The following RASD2 variants were observed in gnomAD, a reference collection of about 807,000 sequenced individuals.
RASD2 encodes RASD family member 2.
A neutral mutation model predicts 15.8 loss-of-function variants in RASD2; 7 were observed. The ratio of observed to expected loss-of-function variants is 0.44; its 90% confidence interval spans 0.25 to 0.83. The LOEUF (loss-of-function observed/expected upper bound fraction) is 0.83, where lower values mean the gene tolerates loss of function less well. RASD2 is among the 40% of genes least tolerant of loss of function. RASD2 has a pLI of 0.20. For synonymous variants in RASD2, 155 were observed against 153.6 expected, an observed-to-expected ratio of 1.01 and a Z score of -0.07; for missense variants, 274 against 382.8, an observed-to-expected ratio of 0.72 and a Z score of 2.37.
At chr22:35,543,021 GT>G in intron 1 of RASD2, among the ~76,000 whole-genome samples, 1 of 152,204 alleles carries the variant, frequency 6.6e-6, no homozygotes. Context: ...CTGGGGGTGG[GT>G]TTTCATAGAG....
the RASD2 span, among the ~76,000 whole-genome samples, chr22:35,535,557 G>A: frequency 6.6e-6 from 1 of 152,132 alleles, no homozygotes; most frequent in East Asian, 1.9e-4. Context: ...ATTTCTGTAA[G>A]GCAGCTCCAT....
Position 35,547,624 on chromosome 22 carries a change from G to GT in RASD2, c.271+552dup, listed in dbSNP as rs1303532166. Reference sequence around the variant, plus strand: ...CCCTGTTCTTAGAGCTTGGCATGTAGTTTTTTTTGAAACAGAGTCTCGCTC... The same window carrying GT: ...CCCTGTTCTTAGAGCTTGGCATGTAGTTTTTTTTTGAAACAGAGTCTCGCTC... On this transcript the variant is annotated intron_variant, in intron 2 of 2. Coordinates refer to ENST00000216127, the MANE Select transcript of RASD2 (RefSeq NM_014310.4). Among the ~76,000 whole-genome samples the GT allele has an allele frequency of 3.3e-5, 5 of 152,160 alleles. No individual in the cohort carries two copies. In the East Asian group the frequency reaches 9.7e-4, roughly 29 times the overall value.
upstream of RASD2, among the ~76,000 whole-genome samples, chr22:35,540,680 G>C (rs1334180961): frequency 6.6e-6 from 1 of 152,194 alleles, no homozygotes; most frequent in Non-Finnish European, 1.5e-5. Context: ...GCCTGCGAGA[G>C]GGGGAAGGAG....
intron 1 of RASD2, among the ~76,000 whole-genome samples, chr22:35,545,575 A>T (rs1001816460): frequency 2.6e-5 from 4 of 152,160 alleles, no homozygotes; most frequent in African/African-American, 4.8e-5. Context: ...TTGATATTTC[A>T]GCAGGCCTGT....
At chr22:35,540,444 G>A (rs1008087360), upstream of RASD2, among the ~76,000 whole-genome samples, 1 of 148,914 alleles carries the variant, frequency 6.7e-6, no homozygotes, top group African/African-American at 2.4e-5. Flanking sequence ...CCGGGCGCCG[G>A]GGCGAGGCGG....
chr22:35,538,155 A>C (rs1047982339), upstream of RASD2, among the ~76,000 whole-genome samples: 2 of 151,962 alleles, frequency 1.3e-5, no homozygotes, highest in Non-Finnish European at 2.9e-5. Flanking sequence ...TTATATTTTT[A>C]GTAGTAGGGT....
chr22:35,541,679 A>C (rs1441080215), intron 1 of RASD2, among the ~76,000 whole-genome samples, 179 bp downstream of exon 1: 2 of 152,212 alleles, frequency 1.3e-5, no homozygotes, highest in Admixed American at 1.3e-4. Context: ...AGAGAGAATT[A>C]AATTCGTTGA....
At chr22:35,539,541 T>G (rs1298760052), upstream of RASD2, among the ~76,000 whole-genome samples, 1 of 152,214 alleles carries the variant, frequency 6.6e-6, no homozygotes, top group Non-Finnish European at 1.5e-5. Flanking sequence ...CTCTGTTAGG[T>G]GCTAATGGGT....
At chr22:35,545,169 C>T (rs76297878) in intron 1 of RASD2, among the ~76,000 whole-genome samples, 4,484 of 152,244 alleles carry the variant, frequency 0.029, 228 homozygotes, top group African/African-American at 0.1. Context: ...TTTTGAGAGC[C>T]GGTTTCCTGC....
At chr22:35,542,516 G>C (rs1934377848) in intron 1 of RASD2, among the ~76,000 whole-genome samples, 1 of 152,216 alleles carries the variant, frequency 6.6e-6, no homozygotes, top group Non-Finnish European at 1.5e-5. Flanking sequence ...TGCCAGAAGT[G>C]GATGCCTGCC....
Position 35,551,249 on chromosome 22 carries a change from T to C in RASD2, c.272-254T>C, listed in dbSNP as rs1352021805. Among the ~76,000 whole-genome samples the C allele has an allele frequency of 6.6e-6, 1 of 152,198 alleles. No homozygotes were observed. Among genetic ancestry groups the C allele is most frequent in the Non-Finnish European group, 1.5e-5 (1 of 68,022 alleles). On this transcript the variant is annotated intron_variant, in intron 2 of 2. Coordinates refer to ENST00000216127, the MANE Select transcript of RASD2 (RefSeq NM_014310.4). The surrounding 1 kb of genome is among the most constrained non-coding windows in gnomAD (Gnocchi z 4.9). ...AGTTAACTGTATTTGAACCAAGTGGTCCACGTGTTAGCTATGCGACTGTGA... is the reference window on the plus strand; with the variant it reads ...AGTTAACTGTATTTGAACCAAGTGGCCCACGTGTTAGCTATGCGACTGTGA...
upstream of RASD2, among the ~76,000 whole-genome samples, chr22:35,537,938 A>G (rs1934266214): frequency 7.1e-6 from 1 of 140,672 alleles, no homozygotes; most frequent in African/African-American, 2.6e-5. Context: ...TTAGATTTTT[A>G]GACTTTATAT....
rs544624658 is a variant in RASD2, at chr22:35,552,842, C to G, written c.*810C>G. On this transcript the variant is annotated 3_prime_UTR_variant, in exon 3 of 3. Coordinates refer to ENST00000216127, the MANE Select transcript of RASD2 (RefSeq NM_014310.4). The stretch of plus-strand genomic sequence containing the variant: ...CCCAGTTCAGATCCACGGCCTCCAC[C>G]CGGGACGCCTTCCTCCTCTGCTCCC... The G allele has an allele frequency of 2.0e-5, 3 of 152,898 alleles. No homozygotes were observed. The East Asian group carries it at 5.8e-4, about 29-fold the overall frequency. The allele number at this position is 152,898 out of a possible 1,614,324, so 9.5% of individuals were successfully genotyped here.
intron 2 of RASD2, among the ~76,000 whole-genome samples, chr22:35,548,022 C>A (rs1224410337): frequency 6.6e-6 from 1 of 152,230 alleles, no homozygotes; most frequent in Non-Finnish European, 1.5e-5. Context: ...GGTAGCACAG[C>A]TCGTAAAGGC....
the RASD2 span, among the ~76,000 whole-genome samples, chr22:35,532,858 G>A: frequency 6.6e-6 from 1 of 152,176 alleles, no homozygotes; most frequent in Non-Finnish European, 1.5e-5. Flanking sequence ...GGGACCCACA[G>A]AAGATTCCAG....
At chr22:35,533,976 G>T in the RASD2 span, among the ~76,000 whole-genome samples, 1 of 151,434 alleles carries the variant, frequency 6.6e-6, no homozygotes, top group Non-Finnish European at 1.5e-5. Context: ...GGTGATGAAG[G>T]CAATGGTGAT....
At chr22:35,550,506 A>G (rs1934635699) in intron 2 of RASD2, among the ~76,000 whole-genome samples, 1 of 151,864 alleles carries the variant, frequency 6.6e-6, no homozygotes, top group South Asian at 2.1e-4. Flanking sequence ...AAAGCTGGAA[A>G]TCAGGATGGA....
chr22:35,550,226 G>A (rs5999863), intron 2 of RASD2, among the ~76,000 whole-genome samples: 6 of 152,114 alleles, frequency 3.9e-5, no homozygotes, highest in African/African-American at 1.4e-4. Flanking sequence ...TCTTGCCATT[G>A]CATTCCAGGC....
intron 2 of RASD2, among the ~76,000 whole-genome samples, chr22:35,550,784 C>T (rs1230692799): frequency 6.6e-6 from 1 of 152,196 alleles, no homozygotes; most frequent in Non-Finnish European, 1.5e-5. Context: ...AGGCTGCATA[C>T]CCTTTCTGAG....
Sources: gnomAD v4.1 joint callset for allele counts (sites outside exome capture counted in the v4.1 genomes callset) on GRCh38, gnomAD v4.1.1 for gene constraint, Gnocchi (gnomAD v3.1) non-coding constraint, MANE v1.5 for transcripts, NCBI Gene and HGNC (gene_info 2026-07-23, HGNC 2026-07-21) for gene names.